Variants in TACC1 observed in about 807,000 individuals in gnomAD.
TACC1 encodes the protein transforming acidic coiled-coil containing protein 1, also known as transforming acidic coiled-coil-containing protein 1.
Under a neutral mutation model 84.4 loss-of-function variants are expected in TACC1, and 48 were observed. The observed-to-expected ratio is 0.57, with a 90% confidence interval of 0.45 to 0.72. The LOEUF (loss-of-function observed/expected upper bound fraction) is 0.72, where lower values mean the gene tolerates loss of function less well. Among genes scored for constraint, TACC1 ranks in the 30% least tolerant of loss-of-function variants. The pLI is 0.00. For missense variants in TACC1, 920 were observed against 973.0 expected (o/e 0.95, Z 0.72); for synonymous variants, 372 against 376.3 (o/e 0.99, Z 0.13).
Position 38,736,070 on chromosome 8 carries a change from G to A in TACC1, c.-674-6281G>A, listed in dbSNP as rs1706379691. ...GTCCTTGTCCCTTGCCTCCTTTGGT[G>A]TCTGGTGGCTGCCAGCATTCCTTGG... On this transcript the variant is annotated intron_variant, in intron 1 of 14. Coordinates refer to the TACC1 transcript ENST00000518415. Among the ~76,000 whole-genome samples, 5 of 152,156 alleles carry A rather than the reference G, an allele frequency of 3.3e-5. No homozygotes were observed. The South Asian group carries it at 1.0e-3, about 32-fold the overall frequency.
intron 2 of TACC1, among the ~76,000 whole-genome samples, chr8:38,791,735 A>G (rs1818709451): frequency 6.6e-6 from 1 of 152,232 alleles, no homozygotes; most frequent in Admixed American, 6.5e-5. Flanking sequence ...TATAAATTAT[A>G]TAAGACTAAA....
chr8:38,762,872 A>G (rs1170883512), intron 3 of TACC1, among the ~76,000 whole-genome samples: 1 of 152,158 alleles, frequency 6.6e-6, no homozygotes, highest in Non-Finnish European at 1.5e-5. Flanking sequence ...CTTGTGAGCA[A>G]TTCTGCTTTA....
At chr8:38,773,585 TCTAG>T (rs1429070047) in intron 3 of TACC1, among the ~76,000 whole-genome samples, 1 of 147,874 alleles carries the variant, frequency 6.8e-6, no homozygotes, top group Non-Finnish European at 1.5e-5. Context: ...TAGCTATCTA[TCTAG>T]CTATCTATCT....
chr8:38,760,599 C>T (rs939522565), intron 3 of TACC1, among the ~76,000 whole-genome samples: 3 of 152,010 alleles, frequency 2.0e-5, no homozygotes, highest in African/African-American at 7.2e-5. Context: ...TGGCACATCT[C>T]GGCTCACTGC....
At chr8:38,792,833 A>G (rs1819045788) in intron 2 of TACC1, among the ~76,000 whole-genome samples, 1 of 150,404 alleles carries the variant, frequency 6.6e-6, no homozygotes, top group Admixed American at 6.6e-5. Context: ...CTCCTGGCCT[A>G]AAGGGATTCT....
chr8:38,786,920 A>T (rs951158698), upstream of TACC1, among the ~76,000 whole-genome samples: 7 of 152,232 alleles, frequency 4.6e-5, no homozygotes, highest in East Asian at 3.9e-4. Context: ...GTTTAAAAAA[A>T]TTTTAAAAAG....
At chr8:38,812,069 T>C (rs1017584485) in intron 2 of TACC1, among the ~76,000 whole-genome samples, 1 of 152,204 alleles carries the variant, frequency 6.6e-6, no homozygotes, top group Non-Finnish European at 1.5e-5. Context: ...CCCTCAGGCT[T>C]ACTAGGATTG....
At chr8:38,783,090 CTATCTATCTATCTATCTATA>C (rs1418518461), upstream of TACC1, among the ~76,000 whole-genome samples, 53 of 111,902 alleles carry the variant, frequency 4.7e-4, no homozygotes, top group African/African-American at 1.9e-3. Context: ...ATCTATCTAT[CTATCTATCTATCTATCTATA>C]TATATATATA....
At chr8:38,749,568 G>A (rs1808657524) in intron 3 of TACC1, among the ~76,000 whole-genome samples, 1 of 152,040 alleles carries the variant, frequency 6.6e-6, no homozygotes, top group Admixed American at 6.6e-5. Context: ...AAGGGGCAAT[G>A]CAAAGTTTTT....
chr8:38,783,094 CTATCTATCTATCTA>C (rs1276982213), upstream of TACC1, among the ~76,000 whole-genome samples: 98 of 116,814 alleles, frequency 8.4e-4, no homozygotes, highest in African/African-American at 2.1e-3. Context: ...ATCTATCTAT[CTATCTATCTATCTA>C]TATATATATA....
chr8:38,810,715 A>G (rs1442437217), intron 2 of TACC1, among the ~76,000 whole-genome samples: 1 of 152,228 alleles, frequency 6.6e-6, no homozygotes, highest in Non-Finnish European at 1.5e-5. Context: ...TTCAGTGTGA[A>G]TTACGATGAT....
At chr8:38,753,070 A>G (rs930341074) in intron 3 of TACC1, among the ~76,000 whole-genome samples, 9 of 152,136 alleles carry the variant, frequency 5.9e-5, no homozygotes, top group African/African-American at 2.2e-4. Context: ...TATTCATATC[A>G]TCATTAGGGA....
chr8:38,804,278 C>T (rs1480186973), intron 2 of TACC1, among the ~76,000 whole-genome samples: 1 of 152,072 alleles, frequency 6.6e-6, no homozygotes, highest in Non-Finnish European at 1.5e-5. Flanking sequence ...TCAAGAGTAG[C>T]CCACTGTTAG....
Position 38,825,345 on chromosome 8 carries a change from C to G in TACC1, c.1429C>G (p.Leu477Val), listed in dbSNP as rs1295622701. The change falls in exon 4 of 13, where the codon CTC (leucine) becomes GTC (valine). Residue 477 changes from leucine to valine, a missense_variant. Transcript: ENST00000317827. Reference sequence around the variant, plus strand: ...GGTGAAGAAGCATGAAACTCAGTCTCTCGCCCTGGATGCATGTTCTCGGGT... The same window carrying G: ...GGTGAAGAAGCATGAAACTCAGTCTGTCGCCCTGGATGCATGTTCTCGGGT... ...CKVKKHETQS[L>V]ALDACSRDEG... 13 of 1,614,038 alleles carry G rather than the reference C, an allele frequency of 8.1e-6. No individual in the cohort carries two copies. Among genetic ancestry groups the G allele is most frequent in the Non-Finnish European group, 1.1e-5 (13 of 1,180,018 alleles).
At chr8:38,821,288 T>C (rs984175830) in intron 3 of TACC1, among the ~76,000 whole-genome samples, 1 of 152,130 alleles carries the variant, frequency 6.6e-6, no homozygotes, top group Non-Finnish European at 1.5e-5. Context: ...GGAGTCGTGT[T>C]ATAGACAATT....
chr8:38,762,807 T>C (rs1315363116), intron 3 of TACC1, among the ~76,000 whole-genome samples: 1 of 152,200 alleles, frequency 6.6e-6, no homozygotes, highest in Non-Finnish European at 1.5e-5. Flanking sequence ...TCCACCCGCC[T>C]CGGCCTCCCA....
intron 3 of TACC1, among the ~76,000 whole-genome samples, chr8:38,754,514 A>G (rs1457695234): frequency 6.6e-6 from 1 of 152,212 alleles, no homozygotes; most frequent in African/African-American, 2.4e-5. Context: ...TATCAATGAC[A>G]CTTCAATCAC....
chr8:38,842,580 A>G (rs1027155656), intron 10 of TACC1, 133 bp downstream of exon 10: 3 of 1,018,412 alleles, frequency 2.9e-6, no homozygotes, highest in Middle Eastern at 3.4e-4. Flanking sequence ...CTGGCCTTGT[A>G]TCCTCTATTC....
At chr8:38,774,067 A>C (rs1438642944) in intron 3 of TACC1, among the ~76,000 whole-genome samples, 1 of 152,088 alleles carries the variant, frequency 6.6e-6, no homozygotes, top group Non-Finnish European at 1.5e-5. Flanking sequence ...GCTGCTCTTC[A>C]ACCACGCTTA....
Sources: gnomAD v4.1 joint callset for allele counts (sites outside exome capture counted in the v4.1 genomes callset) on GRCh38, gnomAD v4.1.1 for gene constraint, MANE v1.5 for transcripts, NCBI Gene and HGNC (gene_info 2026-07-23, HGNC 2026-07-21) for gene names.